Variants in MIA2 observed in about 807,000 individuals in gnomAD.
MIA2 encodes MIA SH3 domain ER export factor 2, also known as melanoma inhibitory activity protein 2.
In MIA2, 127 loss-of-function variants were observed where a neutral mutation model predicts 167.8. The observed-to-expected ratio is 0.76, with a 90% CI of 0.66 to 0.88. MIA2 has a LOEUF of 0.88. Among genes scored for constraint, MIA2 ranks in the 40% least tolerant of loss-of-function variants. MIA2 has a pLI of 0.00. For missense variants in MIA2, 1,690 were observed against 1,624.7 expected (o/e 1.04, Z -0.69); for synonymous variants, 552 against 541.9 (o/e 1.02, Z -0.26).
chr14:39,265,528 C>T, intron 6 of MIA2: 4 of 785,098 alleles, frequency 5.1e-6, no homozygotes, highest in Non-Finnish European at 6.1e-6. Context: ...TTGGATTTTT[C>T]TTTTTTTTTC....
intron 23 of MIA2, chr14:39,386,684 G>A: frequency 8.7e-7 from 1 of 1,144,132 alleles, no homozygotes; most frequent in Non-Finnish European, 1.3e-6. Context: ...TCTCATTATT[G>A]TTATTGTTTT....
chr14:39,369,050 A>G (rs1317927108), intron 23 of MIA2, among the ~76,000 whole-genome samples: 1 of 152,234 alleles, frequency 6.6e-6, no homozygotes, highest in Non-Finnish European at 1.5e-5. Context: ...TTTCAGAAAG[A>G]TGAACTAGTT....
intron 11 of MIA2, among the ~76,000 whole-genome samples, chr14:39,293,594 A>G (rs2061017335): frequency 6.6e-6 from 1 of 152,210 alleles, no homozygotes; most frequent in Non-Finnish European, 1.5e-5. Context: ...AATTTTCTAT[A>G]TGCACTATGG....
Position 39,347,893 on chromosome 14 carries a change from C to G in MIA2, c.3837+122C>G, listed in dbSNP as rs2073725181. On this transcript the variant is annotated intron_variant, in intron 27 of 28. Coordinates refer to ENST00000640607, the MANE Select transcript of MIA2 (RefSeq NM_001329214.4). ...CTGGAGTGCAGTGGCGCTATCTCGG[C>G]TCACTGCAACCTGGGTTCAAGCAAT... is the stretch of plus-strand genomic sequence containing the variant. 4.6e-6 allele frequency: 4 copies of G among 870,508 alleles called. No individual in the cohort carries two copies. The African/African-American group carries it at 7.4e-5, about 16-fold the overall frequency. 53.9% of individuals were successfully genotyped at this position (870,508 alleles called of 1,614,324 possible).
chr14:39,235,783 A>AAT (rs1555341336), intron 1 of MIA2, among the ~76,000 whole-genome samples: 4 of 152,234 alleles, frequency 2.6e-5, no homozygotes, highest in South Asian at 4.2e-4. Context: ...GCCTCAAAAA[A>AAT]ATATATATAA....
Position 39,314,814 on chromosome 14 carries a change from G to A in MIA2, c.3180+15G>A, listed in dbSNP as rs928858602. The A allele has an allele frequency of 4.5e-6, 5 of 1,118,642 alleles. No homozygotes were observed. The highest frequency in any genetic ancestry group is 2.5e-5 in the Admixed American group (1 of 39,616). The allele number at this position is 1,118,642 out of a possible 1,614,324, so 69.3% of individuals were successfully genotyped here. ...ATCAAGGGCAGGTATATATATATGT[G>A]TGTGTGTGTGTGTGTGTGTGTGTAT... On this transcript the variant is annotated intron_variant, in intron 20 of 28. Coordinates refer to ENST00000640607, the MANE Select transcript of MIA2 (RefSeq NM_001329214.4).
intron 23 of MIA2, among the ~76,000 whole-genome samples, chr14:39,364,336 C>T (rs1333637118): frequency 3.3e-5 from 5 of 151,658 alleles, no homozygotes. Context: ...TGCCACTGCA[C>T]TCCAACCTGG....
At chr14:39,310,511 CA>C (rs948129059) in intron 18 of MIA2, among the ~76,000 whole-genome samples, 12 of 151,148 alleles carry the variant, frequency 7.9e-5, no homozygotes, top group Middle Eastern at 3.4e-3. Context: ...CAGAAGCACA[CA>C]AAAAAACAAG....
intron 10 of MIA2, among the ~76,000 whole-genome samples, chr14:39,291,803 G>A (rs1029745137): frequency 2.0e-5 from 3 of 152,176 alleles, no homozygotes; most frequent in Non-Finnish European, 2.9e-5. Context: ...TTGTAATTTA[G>A]CTAAACTAAG....
chr14:39,366,667 G>A (rs562295259), intron 23 of MIA2, among the ~76,000 whole-genome samples: 1 of 152,326 alleles, frequency 6.6e-6, no homozygotes, highest in African/African-American at 2.4e-5. Flanking sequence ...AGTCTGTCCT[G>A]TGGTATGCAT....
rs1384268352 is a variant in MIA2, at chr14:39,299,963, A to G, written c.2596A>G (p.Asn866Asp). The G allele has an allele frequency of 6.2e-7, 1 of 1,600,438 alleles. No homozygotes were observed. The highest frequency in any genetic ancestry group is 1.8e-5 in the Admixed American group (1 of 57,096). ...CAAAGTACATGCAGAACAAGTTCTA[A>G]ATGATAAAGAAAGTCACATCAAGGT... is the stretch of plus-strand genomic sequence containing the variant. ...DSKVHAEQVL[N>D]DKESHIKTLT... Residue 866 changes from asparagine (N) to aspartate (D), a missense_variant, in exon 14 of 29, where the codon AAT becomes GAT. Coordinates refer to ENST00000640607, the MANE Select transcript of MIA2 (RefSeq NM_001329214.4).
At position 39,303,539 on chromosome 14, in the gene MIA2, A is replaced by T. The variant is rs1397191469; in HGVS notation, c.2787+15A>T. ...ATGCTGCTAAGGTTTGTGCTATTAG[A>T]TACTTAAAAAGAATAAGGAGGAAGA... On this transcript the variant is annotated intron_variant, in intron 16 of 28. Coordinates refer to ENST00000640607, the MANE Select transcript of MIA2 (RefSeq NM_001329214.4). The T allele has an allele frequency of 1.3e-6, 2 of 1,593,026 alleles. No homozygotes were observed. The highest frequency in any genetic ancestry group is 2.7e-5 in the African/African-American group (2 of 74,196).
rs1374556326 is a variant in MIA2, at chr14:39,285,415, C to CG, written c.2131-5601dup. On this transcript the variant is annotated intron_variant, in intron 9 of 28. Coordinates refer to ENST00000640607, the MANE Select transcript of MIA2 (RefSeq NM_001329214.4). ...CTCCCTCCCGGAAGGGGCGGCTGGC[C>CG]GGGCGGGGGCTGACCCCCCCACCTT... 3.7e-3 allele frequency among the ~76,000 whole-genome samples: 509 copies of CG among 139,006 alleles called. 44 individuals carry two copies. Among genetic ancestry groups the CG allele is most frequent in the African/African-American group, 0.012 (424 of 35,928 alleles). The allele number at this position is 139,006 out of a possible 152,430, so 91.2% of individuals were successfully genotyped here.
chr14:39,293,668 CAT>C (rs2061025162), intron 11 of MIA2, among the ~76,000 whole-genome samples: 2 of 152,046 alleles, frequency 1.3e-5, no homozygotes, highest in Non-Finnish European at 2.9e-5. Context: ...AATTACTTAA[CAT>C]GTATATTAAC....
chr14:39,277,212 T>G (rs2058127748), intron 7 of MIA2, 147 bp downstream of exon 7: 4 of 1,058,170 alleles, frequency 3.8e-6, no homozygotes, highest in Non-Finnish European at 5.2e-6. Flanking sequence ...TTTGTTTTTT[T>G]TAAAAGAGAT....
rs116429171 is a variant in MIA2 at position 39,258,336 on chromosome 14, A to T, written c.1887+5165A>T. 3.8e-3 allele frequency among the ~76,000 whole-genome samples: 571 copies of T among 152,230 alleles called. 1 individual carries two copies. The highest frequency in any genetic ancestry group is 0.013 in the African/African-American group (533 of 41,548). Reference sequence around the variant, plus strand: ...CTTCACGCCTTATTTTAGTAAGTTAATCTTCAGTCTCTGATATCCTTTCTT... The same window carrying T: ...CTTCACGCCTTATTTTAGTAAGTTATTCTTCAGTCTCTGATATCCTTTCTT... On this transcript the variant is annotated intron_variant, in intron 6 of 28. Coordinates refer to ENST00000640607, the MANE Select transcript of MIA2 (RefSeq NM_001329214.4).
Position 39,247,824 on chromosome 14 carries a change from G to A in MIA2, c.1250G>A (p.Ser417Asn). Reference sequence around the variant, plus strand: ...GATGAACATGAACATCCTCTAACAAGTGAATTAGACCCTGAAAAAGAACAA... The same window carrying A: ...GATGAACATGAACATCCTCTAACAAATGAATTAGACCCTGAAAAAGAACAA... ...GADEHEHPLT[S>N]ELDPEKEQEI... Residue 417 changes from serine (S) to asparagine (N), a missense_variant, in exon 4 of 29, where the codon AGT becomes AAT. Ser to Asn is a conservative substitution (Grantham distance 46). Coordinates refer to ENST00000640607, the MANE Select transcript of MIA2 (RefSeq NM_001329214.4). 1 of 1,605,340 alleles carries A rather than the reference G, an allele frequency of 6.2e-7. No homozygotes were observed.
chr14:39,380,691 C>CAAAAAAAAAAAAAA (rs145179098), intron 23 of MIA2, among the ~76,000 whole-genome samples: 1 of 85,050 alleles, frequency 1.2e-5, no homozygotes, highest in Non-Finnish European at 2.3e-5. Flanking sequence ...GACTCAGACT[C>CAAAAAAAAAAAAAA]AAAAAAAAAA....
intron 25 of MIA2, among the ~76,000 whole-genome samples, chr14:39,335,356 A>G (rs1250310523): frequency 6.6e-6 from 1 of 152,238 alleles, no homozygotes; most frequent in Non-Finnish European, 1.5e-5. Context: ...GGCATAATTT[A>G]TAAAATGTAT....
Sources: allele counts gnomAD v4.1 joint callset (sites outside exome capture counted in the v4.1 genomes callset), GRCh38; gene constraint gnomAD v4.1.1; transcripts MANE v1.5; gene names NCBI Gene and HGNC (gene_info 2026-07-23, HGNC 2026-07-21).